The following MERTK variants were observed in gnomAD, a reference collection of about 807,000 sequenced individuals.
MERTK encodes MER proto-oncogene, tyrosine kinase.
In MERTK, 69 loss-of-function variants were observed where a neutral mutation model predicts 99.3. The ratio of observed to expected loss-of-function variants is 0.70; its 90% CI spans 0.57 to 0.85. The LOEUF (loss-of-function observed/expected upper bound fraction) is 0.85. MERTK is among the 40% of genes least tolerant of loss of function. The pLI is 0.00. For missense variants in MERTK, 1,125 were observed against 1,249.4 expected, an observed-to-expected ratio of 0.90 and a Z score of 1.50; for synonymous variants, 426 against 467.6, an observed-to-expected ratio of 0.91 and a Z score of 1.15.
intron 2 of MERTK, chr2:111,930,203 A>G (rs968884212): frequency 1.3e-5 from 2 of 152,518 alleles, no homozygotes; most frequent in African/African-American, 4.8e-5. Context: ...CACCCTGGCC[A>G]TGTGGGGCTT....
At chr2:111,973,991 CA>C (rs34537631) in intron 6 of MERTK, among the ~76,000 whole-genome samples, 24,585 of 84,536 alleles carry the variant, frequency 0.29, 2,438 homozygotes, top group South Asian at 0.38. Flanking sequence ...ATCTCCTCAT[CA>C]AAAAAAAAAA....
At chr2:111,961,775 G>A (rs1189131140) in intron 4 of MERTK, among the ~76,000 whole-genome samples, 1 of 152,114 alleles carries the variant, frequency 6.6e-6, no homozygotes, top group Non-Finnish European at 1.5e-5. Flanking sequence ...AACCCCTCAG[G>A]AGAAGCACTA....
At chr2:111,907,190 G>A (rs553152719) in intron 1 of MERTK, among the ~76,000 whole-genome samples, 1 of 152,318 alleles carries the variant, frequency 6.6e-6, no homozygotes, top group East Asian at 1.9e-4. Context: ...CAGGGTGGGT[G>A]GATCACCTGA....
chr2:111,940,604 A>G (rs878953804), intron 2 of MERTK: 4 of 656,918 alleles, frequency 6.1e-6, no homozygotes, highest in African/African-American at 3.6e-5. Context: ...TCATCATGAC[A>G]TTGAACCTGA....
intron 1 of MERTK, among the ~76,000 whole-genome samples, chr2:111,923,547 T>C (rs934837956): frequency 6.6e-6 from 1 of 152,182 alleles, no homozygotes; most frequent in African/African-American, 2.4e-5. Flanking sequence ...TTAGCAGCAC[T>C]CGTTTATGTG....
chr2:111,916,087 G>A (rs114478963), intron 1 of MERTK, among the ~76,000 whole-genome samples: 2 of 152,214 alleles, frequency 1.3e-5, no homozygotes, highest in African/African-American at 4.8e-5. Context: ...GTTGGGAAGA[G>A]TGTTCTATAA....
chr2:111,954,750 G>A (rs939560812), intron 4 of MERTK, among the ~76,000 whole-genome samples: 1 of 152,138 alleles, frequency 6.6e-6, no homozygotes, highest in Non-Finnish European at 1.5e-5. Flanking sequence ...TAGACCCAAA[G>A]GGCTAAAACA....
chr2:111,943,808 A>T (rs1053552541), intron 2 of MERTK, among the ~76,000 whole-genome samples: 1 of 152,284 alleles, frequency 6.6e-6, no homozygotes, highest in African/African-American at 2.4e-5. Context: ...TTGAAACCAT[A>T]CAAGTATGTT....
chr2:111,965,505 A>G (rs1007205552), intron 5 of MERTK, among the ~76,000 whole-genome samples: 1 of 152,252 alleles, frequency 6.6e-6, no homozygotes, highest in African/African-American at 2.4e-5. Flanking sequence ...TAATACAAGT[A>G]AATTACTCAG....
chr2:112,008,399 G>A lies in MERTK; in HGVS notation c.1884G>A (p.Gln628=). The part of the protein sequence containing the change: ...VKTMKLDNSS[Q]REIEEFLSEA... ...CTCCTCTAGTGGACAACTCTTCACA[G>A]CGGGAGATCGAGGAGTTTCTCAGTG... Residue 628 remains glutamine, a synonymous_variant, in exon 14 of 19, where the codon CAG becomes CAA. Coordinates refer to ENST00000295408, the MANE Select transcript of MERTK (RefSeq NM_006343.3). 6.2e-7 allele frequency: 1 copy of A among 1,613,628 alleles called. No homozygotes were observed. Among genetic ancestry groups the A allele is most frequent in the Non-Finnish European group, 8.5e-7 (1 of 1,179,610 alleles).
At chr2:111,924,687 T>G (rs1393140487) in intron 1 of MERTK, among the ~76,000 whole-genome samples, 1 of 152,164 alleles carries the variant, frequency 6.6e-6, no homozygotes, top group Non-Finnish European at 1.5e-5. Context: ...GATTCAGGGC[T>G]CTCCACATTC....
At position 112,028,179 on chromosome 2, in the gene MERTK, T is replaced by G; in HGVS notation, c.2487-172T>G. ...CTTTTTTGTCAAATACCATGGAACA[T>G]TTACAAAAGTTGTATAAATATTAGG... On this transcript the variant is annotated intron_variant, in intron 18 of 18. Transcript: ENST00000295408. 4.2e-6 allele frequency: 3 copies of G among 714,492 alleles called. No homozygotes were observed. The South Asian group carries it at 5.6e-5, about 13-fold the overall frequency. The allele number at this position is 714,492 out of a possible 1,614,324, so 44.3% of individuals were successfully genotyped here.
chr2:112,004,012 T>C, intron 13 of MERTK, 28 bp downstream of exon 13: 2 of 1,581,318 alleles, frequency 1.3e-6, no homozygotes, highest in Non-Finnish European at 1.7e-6. Context: ...AATCCCATTC[T>C]TCTAGGGTGG....
chr2:111,961,758 C>A (rs2104718648), intron 4 of MERTK, among the ~76,000 whole-genome samples: 1 of 152,254 alleles, frequency 6.6e-6, no homozygotes, highest in Non-Finnish European at 1.5e-5. Context: ...CTTTTTTATG[C>A]ACATTTAACC....
At chr2:111,908,507 T>C (rs1684182284) in intron 1 of MERTK, among the ~76,000 whole-genome samples, 2 of 151,772 alleles carry the variant, frequency 1.3e-5, no homozygotes, top group African/African-American at 4.8e-5. Context: ...TTATCCCACA[T>C]TGGGTGTTTC....
chr2:112,019,330 A>G (rs776807305), intron 15 of MERTK, 83 bp from the exon 16 acceptor site: 3 of 966,314 alleles, frequency 3.1e-6, no homozygotes, highest in Non-Finnish European at 5.1e-6. Context: ...AAATTAAAGC[A>G]TCCTTTCCCC....
intron 1 of MERTK, among the ~76,000 whole-genome samples, chr2:111,900,630 TCAGA>T (rs1323357493): frequency 1.3e-5 from 2 of 152,172 alleles, no homozygotes; most frequent in African/African-American, 4.8e-5. Context: ...TCAACTTTAA[TCAGA>T]CAATCATAAA....
intron 4 of MERTK, 129 bp downstream of exon 4, chr2:111,947,696 T>A: frequency 9.0e-7 from 1 of 1,107,520 alleles, no homozygotes; most frequent in East Asian, 2.4e-5. Context: ...GCAGCAAAGT[T>A]ATGGGACCAG....
chr2:111,985,753 C>T (rs1008447324), intron 8 of MERTK, among the ~76,000 whole-genome samples: 9 of 152,056 alleles, frequency 5.9e-5, no homozygotes, highest in South Asian at 2.1e-4. Flanking sequence ...GAGAACAGCA[C>T]GGGAAAACCC....
Sources: allele counts gnomAD v4.1 joint callset (sites outside exome capture counted in the v4.1 genomes callset), GRCh38; gene constraint gnomAD v4.1.1; transcripts MANE v1.5; gene names NCBI Gene and HGNC (gene_info 2026-07-23, HGNC 2026-07-21).